The following RAB38 variants were observed in gnomAD, a reference collection of about 807,000 sequenced individuals.
The protein encoded by RAB38 is RAB38, member RAS oncogene family, also known as ras-related protein Rab-38.
In RAB38, 15 loss-of-function variants were observed where a neutral mutation model predicts 18.4. That is an observed-to-expected ratio of 0.82 (90% CI 0.55 to 1.26). The LOEUF (loss-of-function observed/expected upper bound fraction) is 1.26. RAB38 is among the 50% of genes most tolerant of loss of function. The probability of loss-of-function intolerance (pLI) is 0.00; values close to 1 mark genes in which losing one functional copy is unlikely to be tolerated. For missense variants in RAB38, 294 were observed against 267.4 expected, an observed-to-expected ratio of 1.10 and a Z score of -0.69; for synonymous variants, 101 against 104.4, an observed-to-expected ratio of 0.97 and a Z score of 0.20.
In RAB38 at chr11:88,167,421, G is replaced by C. The variant is rs184215433; in HGVS notation, c.202+7762C>G. Reference sequence around the variant, plus strand: ...GCTGTGGCTCCAGTGATGGGTCCCAGATGAGAATATCAACTGGAGAACAAC... The same window carrying C: ...GCTGTGGCTCCAGTGATGGGTCCCACATGAGAATATCAACTGGAGAACAAC... On this transcript the variant is annotated intron_variant, in intron 1 of 2. Transcript: ENST00000243662. 25 of 152,236 alleles carry C rather than the reference G, an allele frequency of 1.6e-4. No individual in the cohort carries two copies. In the East Asian group the frequency reaches 4.6e-3, roughly 28 times the overall value. The allele number at this position is 152,236 out of a possible 1,614,324, so 9.4% of individuals were successfully genotyped here.
At chr11:87,879,120 T>G in the RAB38 span, among the ~76,000 whole-genome samples, 1 of 151,640 alleles carries the variant, frequency 6.6e-6, no homozygotes, top group Non-Finnish European at 1.5e-5. Flanking sequence ...GAAATATAAT[T>G]ACTTTTATAT....
At chr11:87,915,075 T>C in the RAB38 span, among the ~76,000 whole-genome samples, 1 of 152,046 alleles carries the variant, frequency 6.6e-6, no homozygotes, top group East Asian at 1.9e-4. Flanking sequence ...AGTGGATCCA[T>C]AGGTGTAGGC....
At chr11:87,920,282 T>C in the RAB38 span, among the ~76,000 whole-genome samples, 6 of 152,004 alleles carry the variant, frequency 3.9e-5, no homozygotes, top group African/African-American at 1.4e-4. Context: ...TTTATTATTA[T>C]AATCTTCTCT....
chr11:87,927,526 A>G, the RAB38 span, among the ~76,000 whole-genome samples: 1 of 152,070 alleles, frequency 6.6e-6, no homozygotes, highest in East Asian at 1.9e-4. Context: ...TACTGTATAC[A>G]TGACATAGTA....
chr11:87,924,168 G>C, the RAB38 span, among the ~76,000 whole-genome samples: 1 of 151,952 alleles, frequency 6.6e-6, no homozygotes, highest in Non-Finnish European at 1.5e-5. Context: ...ATGAGAGAAG[G>C]AAAGTCTGGG....
chr11:87,923,974 AC>A, the RAB38 span, among the ~76,000 whole-genome samples: 1 of 148,252 alleles, frequency 6.7e-6, no homozygotes, highest in Admixed American at 6.8e-5. Flanking sequence ...AAAAAAAAAA[AC>A]ACATTTCTAA....
chr11:88,160,940 A>G (rs1293192341), intron 1 of RAB38, among the ~76,000 whole-genome samples: 1 of 152,068 alleles, frequency 6.6e-6, no homozygotes, highest in Non-Finnish European at 1.5e-5. Context: ...CAATATACCT[A>G]CGTCTATGTC....
the RAB38 span, among the ~76,000 whole-genome samples, chr11:87,934,783 A>G: frequency 2.0e-5 from 3 of 152,166 alleles, no homozygotes; most frequent in East Asian, 5.8e-4. Context: ...AAAAAAATAC[A>G]AAGGTTTGGT....
the RAB38 span, among the ~76,000 whole-genome samples, chr11:87,922,210 G>A: frequency 6.6e-6 from 1 of 151,896 alleles, no homozygotes; most frequent in African/African-American, 2.4e-5. Flanking sequence ...TTGCATTAGG[G>A]AGACAGATTG....
chr11:88,053,426 T>A, the RAB38 span, among the ~76,000 whole-genome samples: 1 of 118,164 alleles, frequency 8.5e-6, no homozygotes, highest in Admixed American at 9.6e-5. Flanking sequence ...CACACACATA[T>A]ATATGGAATA....
chr11:88,085,910 T>C, the RAB38 span, among the ~76,000 whole-genome samples: 1 of 151,902 alleles, frequency 6.6e-6, no homozygotes, highest in Admixed American at 6.6e-5. Context: ...GAAATTAGGA[T>C]TCTTGGTAAA....
chr11:88,098,627 T>G, the RAB38 span: 1 of 152,060 alleles, frequency 6.6e-6, no homozygotes, highest in Admixed American at 6.6e-5. Flanking sequence ...GCAACATAAC[T>G]TTTTGAAAGA....
rs1942499173 is a variant in RAB38, at chr11:88,113,340, C to T, written c.*648G>A. On this transcript the variant is annotated 3_prime_UTR_variant, in exon 3 of 3. Coordinates refer to ENST00000243662, the MANE Select transcript of RAB38 (RefSeq NM_022337.3). Reference sequence around the variant, plus strand: ...ATGTATAGCATGTATAGAGGAGCCCCACAGCTTGAGTCAGAGAAAGCTAAC... The same window carrying T: ...ATGTATAGCATGTATAGAGGAGCCCTACAGCTTGAGTCAGAGAAAGCTAAC... 1 of 152,674 alleles carries T rather than the reference C, an allele frequency of 6.5e-6. No homozygotes were observed. The highest frequency in any genetic ancestry group is 2.1e-4 in the South Asian group (1 of 4,820). 9.5% of individuals were successfully genotyped at this position (152,674 alleles called of 1,614,324 possible).
At chr11:88,056,839 A>G in the RAB38 span, among the ~76,000 whole-genome samples, 1 of 43,640 alleles carries the variant, frequency 2.3e-5, no homozygotes, top group Admixed American at 2.9e-4. Flanking sequence ...ATAAATACAT[A>G]CATACATACA....
chr11:87,876,306 G>A, the RAB38 span, among the ~76,000 whole-genome samples: 1 of 151,436 alleles, frequency 6.6e-6, no homozygotes. Flanking sequence ...TGGGTATCTG[G>A]GCATGATGAT....
the RAB38 span, among the ~76,000 whole-genome samples, chr11:87,844,310 A>G: frequency 1.3e-5 from 2 of 152,210 alleles, no homozygotes; most frequent in Non-Finnish European, 2.9e-5. Flanking sequence ...GAATGCCATT[A>G]TTTCAAGTTG....
the RAB38 span, among the ~76,000 whole-genome samples, chr11:87,810,064 T>C: frequency 6.6e-6 from 1 of 152,148 alleles, no homozygotes; most frequent in East Asian, 1.9e-4. Context: ...CCAATAATAC[T>C]TCAAAATTTC....
chr11:88,149,549 G>C (rs1272714698), intron 2 of RAB38, 126 bp downstream of exon 2: 9 of 1,129,036 alleles, frequency 8.0e-6, no homozygotes, highest in South Asian at 1.6e-5. Context: ...AAAGAGCTTA[G>C]AGCAATGTGA....
At chr11:87,864,362 C>A in the RAB38 span, among the ~76,000 whole-genome samples, 1 of 150,394 alleles carries the variant, frequency 6.6e-6, no homozygotes, top group Non-Finnish European at 1.5e-5. Flanking sequence ...AATGTTGATA[C>A]AATTCTCCCT....
Sources: gnomAD v4.1 joint callset for allele counts (sites outside exome capture counted in the v4.1 genomes callset) on GRCh38, gnomAD v4.1.1 for gene constraint, MANE v1.5 for transcripts, NCBI Gene and HGNC (gene_info 2026-07-23, HGNC 2026-07-21) for gene names.